TRPM3: variants seen among roughly 807,000 people sequenced by gnomAD.
TRPM3 encodes the protein long transient receptor potential channel 3.
TRPM3 carries 77 observed loss-of-function variants against 181.2 expected under a neutral mutation model. That is an observed-to-expected ratio of 0.42 (90% CI 0.35 to 0.51). The LOEUF is 0.51. Ranked by LOEUF, TRPM3 falls within the 20% of genes least tolerant of loss-of-function variation. The pLI, the probability that TRPM3 is intolerant of heterozygous loss-of-function variation, is 0.01. For missense variants in TRPM3, 1,759 were observed against 2,196.7 expected, an observed-to-expected ratio of 0.80 and a Z score of 3.98; for synonymous variants, 745 against 796.4, an observed-to-expected ratio of 0.94 and a Z score of 1.09.
intron 1 of TRPM3, among the ~76,000 whole-genome samples, chr9:70,940,981 T>C (rs1023247379): frequency 6.6e-6 from 1 of 152,236 alleles, no homozygotes; most frequent in Non-Finnish European, 1.5e-5. Flanking sequence ...TTCTAGTACT[T>C]TGCGTATGAA....
chr9:71,192,580 G>A (rs2078099979), intron 1 of TRPM3, among the ~76,000 whole-genome samples: 1 of 151,756 alleles, frequency 6.6e-6, no homozygotes, highest in Non-Finnish European at 1.5e-5. Flanking sequence ...AATTATTCAT[G>A]TTCTTTGCCC....
intron 1 of TRPM3, among the ~76,000 whole-genome samples, chr9:70,946,475 T>C (rs557565377): frequency 4.0e-5 from 6 of 151,736 alleles, no homozygotes; most frequent in Non-Finnish European, 7.4e-5. Flanking sequence ...AGCAGCAATA[T>C]TCTAGGGTTG....
At chr9:70,964,701 A>G (rs2097169214) in intron 1 of TRPM3, among the ~76,000 whole-genome samples, 1 of 152,104 alleles carries the variant, frequency 6.6e-6, no homozygotes. Context: ...CATAAATCAC[A>G]ATCTGTATAT....
intron 1 of TRPM3, among the ~76,000 whole-genome samples, chr9:71,319,902 G>A (rs957646948): frequency 1.3e-5 from 2 of 151,940 alleles, no homozygotes; most frequent in Non-Finnish European, 2.9e-5. Context: ...TACCTACAAA[G>A]GAAGAATTAC....
At chr9:71,190,192 G>A (rs2077928186) in intron 1 of TRPM3, among the ~76,000 whole-genome samples, 1 of 151,818 alleles carries the variant, frequency 6.6e-6, no homozygotes, top group South Asian at 2.1e-4. Flanking sequence ...TCACATAGCT[G>A]CGCAATGTGG....
Position 71,173,346 on chromosome 9 carries a change from G to A in TRPM3, c.183+273307C>T, listed in dbSNP as rs1435014154. On this transcript the variant is annotated intron_variant, in intron 1 of 24. Coordinates refer to the TRPM3 transcript ENST00000357533. The stretch of plus-strand genomic sequence containing the variant: ...TATGCAGTATTTATGACTGCTATCA[G>A]TATGAATTAGTTACATATCACAGAA... 2.0e-5 allele frequency among the ~76,000 whole-genome samples: 3 copies of A among 152,144 alleles called. No homozygotes were observed. In the East Asian group the frequency reaches 5.8e-4, roughly 29 times the overall value.
At chr9:70,553,077 A>C (rs1326730718) in intron 23 of TRPM3, 34 bp from the exon 24 acceptor site, 33 of 1,613,706 alleles carry the variant, frequency 2.0e-5, no homozygotes, top group Non-Finnish European at 2.5e-5. Context: ...CAAGTGAGAA[A>C]AACCCACTGT....
At chr9:71,242,397 C>T (rs970143492) in intron 1 of TRPM3, among the ~76,000 whole-genome samples, 4 of 152,166 alleles carry the variant, frequency 2.6e-5, no homozygotes, top group African/African-American at 9.7e-5. Flanking sequence ...AAGTCTCGGT[C>T]ATGACCGGAT....
At chr9:71,256,869 T>C (rs983303941) in intron 1 of TRPM3, among the ~76,000 whole-genome samples, 1 of 152,140 alleles carries the variant, frequency 6.6e-6, no homozygotes, top group African/African-American at 2.4e-5. Context: ...TTACAAAGTG[T>C]ATTCCAGAGC....
chr9:70,652,639 T>G (rs1371707628), intron 9 of TRPM3, among the ~76,000 whole-genome samples: 1 of 152,218 alleles, frequency 6.6e-6, no homozygotes, highest in African/African-American at 2.4e-5. Flanking sequence ...AGTATCTTTA[T>G]TCCCACTTTG....
At chr9:71,250,470 A>G (rs1437096740) in intron 1 of TRPM3, among the ~76,000 whole-genome samples, 7 of 152,236 alleles carry the variant, frequency 4.6e-5, no homozygotes, top group African/African-American at 1.7e-4. Flanking sequence ...CAAAATGGGC[A>G]TACTGCTGTC....
At chr9:71,062,563 T>C (rs771577078) in intron 1 of TRPM3, among the ~76,000 whole-genome samples, 4 of 152,160 alleles carry the variant, frequency 2.6e-5, no homozygotes, top group Non-Finnish European at 4.4e-5. Flanking sequence ...TAAATACTTT[T>C]GTTTCTTTGA....
intron 1 of TRPM3, among the ~76,000 whole-genome samples, chr9:71,011,028 G>C (rs1034473403): frequency 6.6e-6 from 1 of 151,756 alleles, no homozygotes. Flanking sequence ...TGAATCTGTA[G>C]GACATTATTT....
intron 19 of TRPM3, among the ~76,000 whole-genome samples, chr9:70,604,718 C>A (rs1440250002): frequency 5.3e-5 from 8 of 150,106 alleles, no homozygotes; most frequent in African/African-American, 2.0e-4. Context: ...GTGATCTCGG[C>A]TCATTGTAGC....
Position 70,529,128 on chromosome 9 carries a change from T to C in TRPM3, c.*6825A>G, listed in dbSNP as rs761137711. 9 of 152,198 alleles carry C rather than the reference T, an allele frequency of 5.9e-5. No homozygotes were observed. Among genetic ancestry groups the C allele is most frequent in the Non-Finnish European group, 1.3e-4 (9 of 68,032 alleles). 9.4% of individuals were successfully genotyped at this position (152,198 alleles called of 1,614,324 possible). A position where few individuals can be genotyped will look rare whatever the true frequency, so the allele number is the denominator to read the frequency against. ...TTGTTACAGAAATTTCAGAAAGTTT[T>C]TCCCGTGGTATCTGCCAACTTCTGC... On this transcript the variant is annotated 3_prime_UTR_variant, in exon 26 of 26. Transcript: ENST00000677713.
chr9:71,036,694 C>T (rs746547867), intron 1 of TRPM3, among the ~76,000 whole-genome samples: 4 of 152,182 alleles, frequency 2.6e-5, no homozygotes, highest in African/African-American at 4.8e-5. Context: ...ATTTGAAAGA[C>T]GGCCAAGTTT....
intron 9 of TRPM3, among the ~76,000 whole-genome samples, chr9:70,675,937 C>G (rs1451590093): frequency 6.6e-6 from 1 of 152,076 alleles, no homozygotes; most frequent in Non-Finnish European, 1.5e-5. Context: ...TTTAAAAAAG[C>G]CTAAAGCCCA....
intron 1 of TRPM3, 111 bp from the exon 2 acceptor site, chr9:70,864,622 A>C (rs2095607407): frequency 1.8e-6 from 1 of 569,520 alleles, no homozygotes; most frequent in Non-Finnish European, 2.7e-6. Flanking sequence ...AGAGACTAGT[A>C]TATCACAAAT....
chr9:70,634,994 A>G (rs112265999), intron 12 of TRPM3, among the ~76,000 whole-genome samples: 1,673 of 152,280 alleles, frequency 0.011, 17 homozygotes, highest in Non-Finnish European at 0.019. Context: ...AGCATCTAAA[A>G]GCACGGCGAT....
Sources: gnomAD v4.1 joint callset for allele counts (sites outside exome capture counted in the v4.1 genomes callset) on GRCh38, gnomAD v4.1.1 for gene constraint, MANE v1.5 for transcripts, NCBI Gene and HGNC (gene_info 2026-07-23, HGNC 2026-07-21) for gene names.